ST8SIA4: variants seen among roughly 807,000 people sequenced by gnomAD.
ST8SIA4 encodes the protein CMP-N-acetylneuraminate-poly-alpha-2,8-sialyltransferase.
In ST8SIA4, 15 loss-of-function variants were observed where a neutral mutation model predicts 33.9. The observed-to-expected ratio is 0.44, with a 90% CI of 0.30 to 0.68. The LOEUF is 0.68. Among genes scored for constraint, ST8SIA4 ranks in the 30% least tolerant of loss-of-function variants. The pLI is 0.10. For missense variants in ST8SIA4, 321 were observed against 428.0 expected, an observed-to-expected ratio of 0.75 and a Z score of 2.21; for synonymous variants, 171 against 151.2, an observed-to-expected ratio of 1.13 and a Z score of -0.96.
intron 4 of ST8SIA4, among the ~76,000 whole-genome samples, chr5:100,827,997 T>C (rs551591946): frequency 6.6e-6 from 1 of 152,358 alleles, no homozygotes; most frequent in South Asian, 2.1e-4. Flanking sequence ...TCTATTTCTA[T>C]ATCCACTTAG....
chr5:100,812,520 A>G (rs1312604083), intron 4 of ST8SIA4, among the ~76,000 whole-genome samples: 2 of 152,108 alleles, frequency 1.3e-5, no homozygotes. Context: ...CCCAGAAAAA[A>G]AAGTTTGAAA....
At position 100,811,597 on chromosome 5, in the gene ST8SIA4, C is replaced by T; in HGVS notation, c.*250G>A. On this transcript the variant is annotated 3_prime_UTR_variant, in exon 5 of 5. Transcript: ENST00000231461. ...GCACTGTTGGATCTTGTAAACACTA[C>T]TGATTATACATTCAAACTGTATTCT... The T allele has an allele frequency of 2.4e-6, 1 of 423,650 alleles. No homozygotes were observed. Among genetic ancestry groups the T allele is most frequent in the South Asian group, 2.5e-5 (1 of 39,552 alleles). 26.2% of individuals were successfully genotyped at this position (423,650 alleles called of 1,614,324 possible).
At chr5:100,829,285 C>G (rs1315914233) in intron 4 of ST8SIA4, among the ~76,000 whole-genome samples, 3 of 152,164 alleles carry the variant, frequency 2.0e-5, no homozygotes, top group African/African-American at 7.2e-5. Context: ...TCGGTTTGAT[C>G]ACAAAAGATT....
chr5:100,831,799 T>A (rs934975174), intron 4 of ST8SIA4, among the ~76,000 whole-genome samples: 42 of 152,126 alleles, frequency 2.8e-4, no homozygotes, highest in Non-Finnish European at 5.1e-4. Flanking sequence ...TCAAAAAATA[T>A]ATATTTTTTA....
At chr5:100,866,083 A>T (rs909099215) in intron 3 of ST8SIA4, among the ~76,000 whole-genome samples, 1 of 152,164 alleles carries the variant, frequency 6.6e-6, no homozygotes, top group African/African-American at 2.4e-5. Flanking sequence ...TTCAGAATTA[A>T]GAACCAAACC....
chr5:100,884,765 A>G (rs1752500837), intron 3 of ST8SIA4, among the ~76,000 whole-genome samples: 1 of 152,218 alleles, frequency 6.6e-6, no homozygotes, highest in South Asian at 2.1e-4. Flanking sequence ...AGGAAATGAT[A>G]CAAACTTTGA....
chr5:100,841,721 C>T (rs1751475331), intron 4 of ST8SIA4, among the ~76,000 whole-genome samples: 1 of 151,852 alleles, frequency 6.6e-6, no homozygotes, highest in Non-Finnish European at 1.5e-5. Context: ...ATAGTTCTGA[C>T]ACAATTTGTG....
intron 4 of ST8SIA4, among the ~76,000 whole-genome samples, chr5:100,854,130 A>AT (rs560412349): frequency 6.6e-6 from 1 of 151,984 alleles, no homozygotes; most frequent in African/African-American, 2.4e-5. Context: ...TAAGATGCAC[A>AT]TTTTTTTAAG....
chr5:100,864,854 G>C (rs1187591328), intron 3 of ST8SIA4, among the ~76,000 whole-genome samples: 1 of 152,012 alleles, frequency 6.6e-6, no homozygotes, highest in Non-Finnish European at 1.5e-5. Context: ...TTATTATAAT[G>C]TTTATTATTT....
rs755031565 is a variant in ST8SIA4 at position 100,811,898 on chromosome 5, T to C, written c.1029A>G (p.Leu343=). The part of the protein sequence containing the change: ...MPLEFKTLNV[L]HNRGALKLTT... ...TCAGTTTTAGAGCTCCTCTATTATG[T>C]AGCACATTTAATGTTTTGAATTCTA... The change falls in exon 5 of 5, where the codon CTA becomes CTG. Residue 343 remains leucine, a synonymous_variant. Transcript: ENST00000231461. 1.2e-6 allele frequency: 2 copies of C among 1,614,158 alleles called. No homozygotes were observed. The highest frequency in any genetic ancestry group is 1.7e-6 in the Non-Finnish European group (2 of 1,179,988).
intron 3 of ST8SIA4, among the ~76,000 whole-genome samples, chr5:100,872,554 G>A (rs768690015): frequency 1.3e-5 from 2 of 152,028 alleles, no homozygotes; most frequent in Non-Finnish European, 1.5e-5. Context: ...CATGGAGGGA[G>A]TTTCCTCCGT....
chr5:100,864,532 G>A (rs568251821), intron 3 of ST8SIA4, among the ~76,000 whole-genome samples: 1 of 130,896 alleles, frequency 7.6e-6, no homozygotes, highest in Non-Finnish European at 1.5e-5. Context: ...CCGAGATTAC[G>A]CCACTGGACT....
chr5:100,838,018 T>A (rs1751397890), intron 4 of ST8SIA4, among the ~76,000 whole-genome samples: 1 of 151,996 alleles, frequency 6.6e-6, no homozygotes, highest in Admixed American at 6.6e-5. Context: ...TCTACTCTCA[T>A]AAGGCAGAAT....
At chr5:100,863,327 A>G (rs925334811) in intron 3 of ST8SIA4, among the ~76,000 whole-genome samples, 2 of 152,200 alleles carry the variant, frequency 1.3e-5, no homozygotes, top group African/African-American at 4.8e-5. Context: ...GGGAGGGAAG[A>G]AGGAAGCAAG....
intron 3 of ST8SIA4, among the ~76,000 whole-genome samples, chr5:100,868,595 T>A (rs889025564): frequency 1.9e-4 from 29 of 152,050 alleles, no homozygotes; most frequent in African/African-American, 5.3e-4. Context: ...TAATTGGGTC[T>A]TTCATAACTA....
intron 4 of ST8SIA4, among the ~76,000 whole-genome samples, chr5:100,839,072 C>A (rs1164865444): frequency 6.6e-6 from 1 of 151,948 alleles, no homozygotes; most frequent in Non-Finnish European, 1.5e-5. Flanking sequence ...AAGCAATCCT[C>A]CTACCTTGGC....
In ST8SIA4 at chr5:100,809,335, A is replaced by G. The variant is rs940204397; in HGVS notation, c.*2512T>C. 1 of 150,942 alleles carries G rather than the reference A, an allele frequency of 6.6e-6. No individual in the cohort carries two copies. The highest frequency in any genetic ancestry group is 1.5e-5 in the Non-Finnish European group (1 of 67,722). 9.4% of individuals were successfully genotyped at this position (150,942 alleles called of 1,614,324 possible). On this transcript the variant is annotated 3_prime_UTR_variant, in exon 5 of 5. Transcript: ENST00000231461. ...TGTGGTGGTGGGCGCCTGTAACCCCAGCTACTTGGGAGGCTGAGGCACGAG... is the reference window on the plus strand; with the variant it reads ...TGTGGTGGTGGGCGCCTGTAACCCCGGCTACTTGGGAGGCTGAGGCACGAG...
At chr5:100,865,584 G>C (rs1200642162) in intron 3 of ST8SIA4, among the ~76,000 whole-genome samples, 1 of 152,030 alleles carries the variant, frequency 6.6e-6, no homozygotes, top group African/African-American at 2.4e-5. Context: ...TTTCAAATCA[G>C]CATGTTCAAA....
chr5:100,892,874 A>T (rs563721349), intron 2 of ST8SIA4, among the ~76,000 whole-genome samples: 1 of 152,150 alleles, frequency 6.6e-6, no homozygotes, highest in African/African-American at 2.4e-5. Flanking sequence ...ATTAGGACAA[A>T]TACTTTATGC....
Sources: gnomAD v4.1 joint callset for allele counts (sites outside exome capture counted in the v4.1 genomes callset) on GRCh38, gnomAD v4.1.1 for gene constraint, MANE v1.5 for transcripts, NCBI Gene and HGNC (gene_info 2026-07-23, HGNC 2026-07-21) for gene names.